The following RPF1 variants were observed in gnomAD, a reference collection of about 807,000 sequenced individuals.
RPF1 encodes ribosome production factor 1 homolog.
In RPF1, 34 loss-of-function variants were observed where a neutral mutation model predicts 41.9. That is an observed-to-expected ratio of 0.81 (90% CI 0.62 to 1.08). The LOEUF is 1.08. Ranked by LOEUF, RPF1 falls within the 50% of genes least tolerant of loss-of-function variation. RPF1 has a pLI of 0.00. For missense variants in RPF1, 425 were observed against 435.2 expected (o/e 0.98, Z 0.21); for synonymous variants, 140 against 148.9 (o/e 0.94, Z 0.43).
chr1:84,497,738 A>G lies in RPF1; in HGVS notation c.*268A>G. ...TAATTAAGTTGGAATCAAGATTCAG[A>G]TTAACTTTCCTATTTGCATAGAACA... On this transcript the variant is annotated 3_prime_UTR_variant, in exon 9 of 9. Coordinates refer to ENST00000370654, the MANE Select transcript of RPF1 (RefSeq NM_025065.7). 2 of 333,316 alleles carry G rather than the reference A, an allele frequency of 6.0e-6. No individual in the cohort carries two copies. Among genetic ancestry groups the G allele is most frequent in the Non-Finnish European group, 1.1e-5 (2 of 180,712 alleles). The allele number at this position is 333,316 out of a possible 1,614,324, so 20.6% of individuals were successfully genotyped here.
In RPF1 at chr1:84,495,392, C is replaced by T. The variant is rs750189772; in HGVS notation, c.636C>T (p.His212=). The T allele has an allele frequency of 4.6e-6, 7 of 1,509,270 alleles. No homozygotes were observed. Among genetic ancestry groups the T allele is most frequent in the Non-Finnish European group, 6.4e-6 (7 of 1,097,900 alleles). The allele number at this position is 1,509,270 out of a possible 1,614,324, so 93.5% of individuals were successfully genotyped here. The change falls in exon 6 of 9, where the codon CAC becomes CAT. Residue 212 remains histidine, a synonymous_variant. Transcript: ENST00000370654. ...GAACAGATGGACTTATTTTGAGTCA[C>T]TTGCCAAATGGCCCAACTGCTCATT... ...RKTPNGLILS[H]LPNGPTAHFK...
rs1260231272 is a variant in RPF1, at chr1:84,497,710, GAATA to G, written c.*242_*245del. 3 of 382,040 alleles carry G rather than the reference GAATA, an allele frequency of 7.9e-6. No individual in the cohort carries two copies. Among genetic ancestry groups the G allele is most frequent in the Non-Finnish European group, 1.4e-5 (3 of 209,080 alleles). 23.7% of individuals were successfully genotyped at this position (382,040 alleles called of 1,614,324 possible). Reference sequence around the variant, plus strand: ...AGTTCTCTTGTTTTTGGGTAACTGTGAATAATTAAGTTGGAATCAAGATTCAGAT... The same window carrying G: ...AGTTCTCTTGTTTTTGGGTAACTGTGATTAAGTTGGAATCAAGATTCAGAT... On this transcript the variant is annotated 3_prime_UTR_variant, in exon 9 of 9. Coordinates refer to ENST00000370654, the MANE Select transcript of RPF1 (RefSeq NM_025065.7).
At chr1:84,486,849 C>T (rs1681748509) in intron 3 of RPF1, among the ~76,000 whole-genome samples, 1 of 151,986 alleles carries the variant, frequency 6.6e-6, no homozygotes, top group Non-Finnish European at 1.5e-5. Context: ...AATTTCCTGA[C>T]AAATTGGATG....
chr1:84,487,307 C>A (rs1681753733), intron 3 of RPF1, among the ~76,000 whole-genome samples: 1 of 152,168 alleles, frequency 6.6e-6, no homozygotes, highest in Non-Finnish European at 1.5e-5. Context: ...CTAACCAACT[C>A]ATGGTATGTT....
rs189025046 is a variant in RPF1 at position 84,479,982 on chromosome 1, T to C, written c.228+473T>C. Among the ~76,000 whole-genome samples, 4 of 152,352 alleles carry C rather than the reference T, an allele frequency of 2.6e-5. No individual in the cohort carries two copies. In the East Asian group the frequency reaches 7.7e-4, roughly 29 times the overall value. ...AAGTTTCTGGTAATTGTATTTGTTCTTTTCAGCTTTATCCTTATACGTTTC... is the reference window on the plus strand; with the variant it reads ...AAGTTTCTGGTAATTGTATTTGTTCCTTTCAGCTTTATCCTTATACGTTTC... On this transcript the variant is annotated intron_variant, in intron 1 of 8. Coordinates refer to ENST00000370654, the MANE Select transcript of RPF1 (RefSeq NM_025065.7).
rs763579873 is a variant in RPF1 at position 84,489,729 on chromosome 1, G to A, written c.462+1G>A. On this transcript the variant is annotated splice_donor_variant, in intron 4 of 8. Transcript: ENST00000370654. LOFTEE classifies it high-confidence loss of function. The stretch of plus-strand genomic sequence containing the variant: ...CACAACATCAGATAGACCTCATGGG[G>A]TAAACACATTGATTAATTTAGTTCT... 1.2e-5 allele frequency: 18 copies of A among 1,507,616 alleles called. No homozygotes were observed. Among genetic ancestry groups the A allele is most frequent in the Non-Finnish European group, 1.6e-5 (17 of 1,083,588 alleles). The allele number at this position is 1,507,616 out of a possible 1,614,324, so 93.4% of individuals were successfully genotyped here. A position where few individuals can be genotyped will look rare whatever the true frequency, so the allele number is the denominator to read the frequency against.
Position 84,497,491 on chromosome 1 carries a change from G to A in RPF1, c.*21G>A. 6.3e-7 allele frequency: 1 copy of A among 1,580,736 alleles called. No homozygotes were observed. Among genetic ancestry groups the A allele is most frequent in the Non-Finnish European group, 8.7e-7 (1 of 1,154,886 alleles). ...TATAAAGTACTGAGAGAATGATATT[G>A]GATTTTGCTGAACAGGCCTATCTTG... On this transcript the variant is annotated 3_prime_UTR_variant, in exon 9 of 9. Coordinates refer to ENST00000370654, the MANE Select transcript of RPF1 (RefSeq NM_025065.7).
intron 3 of RPF1, among the ~76,000 whole-genome samples, chr1:84,488,113 C>T (rs1681765832): frequency 6.6e-6 from 1 of 152,072 alleles, no homozygotes; most frequent in African/African-American, 2.4e-5. Context: ...GCTTCTTTCA[C>T]TCCTGCCCCT....
At chr1:84,493,968 A>G (rs1340894338) in intron 5 of RPF1, among the ~76,000 whole-genome samples, 2 of 152,186 alleles carry the variant, frequency 1.3e-5, no homozygotes, top group African/African-American at 4.8e-5. Flanking sequence ...TGAGTCTGTG[A>G]TGAGAGTAGT....
At chr1:84,488,533 A>AT (rs1205963415) in intron 3 of RPF1, among the ~76,000 whole-genome samples, 8 of 152,032 alleles carry the variant, frequency 5.3e-5, no homozygotes, top group Admixed American at 2.6e-4. Flanking sequence ...CAGTTTTCTT[A>AT]TTTTGACCCA....
intron 3 of RPF1, among the ~76,000 whole-genome samples, chr1:84,484,741 A>T (rs1039983681): frequency 1.3e-5 from 2 of 148,936 alleles, no homozygotes; most frequent in Non-Finnish European, 3.0e-5. Context: ...GCTGGAGTGC[A>T]GTGGCATGAT....
At chr1:84,484,158 G>A (rs147089549) in intron 3 of RPF1, among the ~76,000 whole-genome samples, 1 of 152,146 alleles carries the variant, frequency 6.6e-6, no homozygotes, top group Non-Finnish European at 1.5e-5. Context: ...TGTAAGTAAG[G>A]TGTTTGTGTG....
chr1:84,492,299 G>A (rs1433244649), intron 5 of RPF1, among the ~76,000 whole-genome samples: 3 of 152,196 alleles, frequency 2.0e-5, no homozygotes, highest in South Asian at 2.1e-4. Context: ...GGAACATGGC[G>A]TCTTTCTAAA....
Position 84,497,480 on chromosome 1 carries a change from A to G in RPF1, c.*10A>G, listed in dbSNP as rs1681963232. On this transcript the variant is annotated 3_prime_UTR_variant, in exon 9 of 9. Coordinates refer to ENST00000370654, the MANE Select transcript of RPF1 (RefSeq NM_025065.7). ...AAAATTCCATTTATAAAGTACTGAG[A>G]GAATGATATTGGATTTTGCTGAACA... is the stretch of plus-strand genomic sequence containing the variant. 9 of 1,602,152 alleles carry G rather than the reference A, an allele frequency of 5.6e-6. No homozygotes were observed. In the East Asian group the frequency reaches 1.8e-4, roughly 32 times the overall value.
chr1:84,491,210 T>C (rs894572317), intron 5 of RPF1, among the ~76,000 whole-genome samples: 1 of 152,194 alleles, frequency 6.6e-6, no homozygotes, highest in African/African-American at 2.4e-5. Flanking sequence ...AGGTTTGTTA[T>C]TATTGTTGCT....
chr1:84,481,057 A>T, intron 2 of RPF1, 45 bp downstream of exon 2: 1 of 1,063,284 alleles, frequency 9.4e-7, no homozygotes, highest in Non-Finnish European at 1.4e-6. Flanking sequence ...TATATTAGGG[A>T]ATCCCTCCTG....
At chr1:84,494,460 G>A (rs138244952) in intron 5 of RPF1, among the ~76,000 whole-genome samples, 1 of 152,336 alleles carries the variant, frequency 6.6e-6, no homozygotes, top group Non-Finnish European at 1.5e-5. Flanking sequence ...CAGATGAAAT[G>A]TGTTTGAAAA....
At chr1:84,480,927 T>G (rs1246749167) in intron 1 of RPF1, 29 bp from the exon 2 acceptor site, 2 of 1,232,292 alleles carry the variant, frequency 1.6e-6, no homozygotes, top group African/African-American at 3.0e-5. Flanking sequence ...TGTTTCTCAG[T>G]ATTGTTCTCT....
intron 5 of RPF1, among the ~76,000 whole-genome samples, chr1:84,495,088 T>C (rs963138905): frequency 3.3e-5 from 5 of 152,202 alleles, no homozygotes; most frequent in African/African-American, 1.2e-4. Flanking sequence ...TTTTTTCACC[T>C]ACTTTAGTTT....
Sources: allele counts gnomAD v4.1 joint callset (sites outside exome capture counted in the v4.1 genomes callset), GRCh38; gene constraint gnomAD v4.1.1; transcripts MANE v1.5; gene names NCBI Gene and HGNC (gene_info 2026-07-23, HGNC 2026-07-21).